The following DLGAP1 variants were observed in gnomAD, a reference collection of about 807,000 sequenced individuals.
The protein encoded by DLGAP1 is DLG associated protein 1.
In DLGAP1, 11 loss-of-function variants were observed where a neutral mutation model predicts 90.8. The observed-to-expected ratio is 0.12, with a 90% CI of 0.08 to 0.20. DLGAP1 has a LOEUF of 0.20. DLGAP1 is among the 10% of genes least tolerant of loss of function. The pLI is 1.00. For synonymous variants in DLGAP1, 558 were observed against 540.7 expected (o/e 1.03, Z -0.44); for missense variants, 1,050 against 1,333.8 (o/e 0.79, Z 3.31).
At chr18:4,046,011 A>G (rs2075049314) in intron 2 of DLGAP1, among the ~76,000 whole-genome samples, 1 of 152,182 alleles carries the variant, frequency 6.6e-6, no homozygotes, top group Non-Finnish European at 1.5e-5. Context: ...TAAGGACCTC[A>G]TAAGAGCCAA....
At chr18:4,215,117 A>G (rs950315670) in intron 1 of DLGAP1, among the ~76,000 whole-genome samples, 40 of 152,298 alleles carry the variant, frequency 2.6e-4, no homozygotes, top group African/African-American at 8.9e-4. Context: ...ATAATATGCA[A>G]GATAATTTTG....
At chr18:4,019,367 T>C (rs1425604485) in intron 2 of DLGAP1, among the ~76,000 whole-genome samples, 1 of 152,208 alleles carries the variant, frequency 6.6e-6, no homozygotes, top group Non-Finnish European at 1.5e-5. Context: ...ACTTAACCTA[T>C]AAACACTTCC....
chr18:3,874,814 A>C (rs2070954467), intron 4 of DLGAP1: 1 of 1,366,268 alleles, frequency 7.3e-7, no homozygotes, highest in Admixed American at 3.1e-5. Flanking sequence ...TGGAAAAAAA[A>C]GGAGTCCCTT....
chr18:3,541,906 GA>G (rs11339725), intron 9 of DLGAP1, among the ~76,000 whole-genome samples: 9,937 of 145,040 alleles, frequency 0.069, 501 homozygotes, highest in African/African-American at 0.14. Flanking sequence ...AATATTGGTG[GA>G]AAAAAAAAAA....
At chr18:3,934,658 C>G (rs1030444466) in intron 3 of DLGAP1, among the ~76,000 whole-genome samples, 1 of 152,134 alleles carries the variant, frequency 6.6e-6, no homozygotes, top group Non-Finnish European at 1.5e-5. Context: ...TGGCAGACAG[C>G]AGTATCAAAG....
At chr18:4,169,927 G>T (rs1441511582) in intron 1 of DLGAP1, among the ~76,000 whole-genome samples, 1 of 152,050 alleles carries the variant, frequency 6.6e-6, no homozygotes, top group African/African-American at 2.4e-5. Context: ...AGAGTCTCAG[G>T]GCCCTTATTG....
intron 1 of DLGAP1, among the ~76,000 whole-genome samples, chr18:4,366,801 C>A (rs2081780508): frequency 2.0e-5 from 3 of 151,582 alleles, no homozygotes; most frequent in African/African-American, 4.8e-5. Context: ...ATTAAGAATG[C>A]AAGAAACATT....
At chr18:4,266,489 T>A (rs1286355319) in intron 1 of DLGAP1, among the ~76,000 whole-genome samples, 1 of 152,242 alleles carries the variant, frequency 6.6e-6, no homozygotes, top group East Asian at 1.9e-4. Flanking sequence ...AGAGCATAGG[T>A]ATCTTCAGAG....
At chr18:4,009,833 A>C (rs1394071721) in intron 2 of DLGAP1, among the ~76,000 whole-genome samples, 3 of 152,198 alleles carry the variant, frequency 2.0e-5, no homozygotes, top group Non-Finnish European at 4.4e-5. Flanking sequence ...TCCTCACCGG[A>C]CCAAGGGAAC....
chr18:3,573,858 G>A (rs1429216382), intron 8 of DLGAP1, among the ~76,000 whole-genome samples: 1 of 152,038 alleles, frequency 6.6e-6, no homozygotes, highest in Admixed American at 6.6e-5. Flanking sequence ...GTGCCAGCAC[G>A]CACGACTAAT....
chr18:4,162,353 G>A (rs894130677), intron 1 of DLGAP1, among the ~76,000 whole-genome samples: 1 of 152,004 alleles, frequency 6.6e-6, no homozygotes, highest in African/African-American at 2.4e-5. Flanking sequence ...GATAAGATAG[G>A]GTCTCTCTGC....
In DLGAP1 at chr18:4,275,546, G is replaced by T. The variant is rs146968268; in HGVS notation, c.-266-124259C>A. Among the ~76,000 whole-genome samples, 6 of 151,146 alleles carry T rather than the reference G, an allele frequency of 4.0e-5. No homozygotes were observed. In the East Asian group the frequency reaches 1.2e-3, roughly 29 times the overall value. ...TACTTGTTTATTATGTATATGTTTTGGTCCTTCTCCCCATGCTAGAATGTA... is the reference window on the plus strand; with the variant it reads ...TACTTGTTTATTATGTATATGTTTTTGTCCTTCTCCCCATGCTAGAATGTA... On this transcript the variant is annotated intron_variant, in intron 1 of 12. Coordinates refer to ENST00000315677, the MANE Select transcript of DLGAP1 (RefSeq NM_004746.4).
At chr18:3,961,928 A>G (rs2073207310) in intron 3 of DLGAP1, among the ~76,000 whole-genome samples, 1 of 152,204 alleles carries the variant, frequency 6.6e-6, no homozygotes, top group Middle Eastern at 3.2e-3. Flanking sequence ...GGAGGACTGG[A>G]TGCAGGATGC....
At chr18:3,844,285 C>A (rs1236004272) in intron 4 of DLGAP1, among the ~76,000 whole-genome samples, 1 of 152,196 alleles carries the variant, frequency 6.6e-6, no homozygotes, top group Admixed American at 6.5e-5. Context: ...TGGCAGCAAG[C>A]CCGAATGTCT....
intron 9 of DLGAP1, among the ~76,000 whole-genome samples, chr18:3,550,999 C>A (rs1038616033): frequency 6.6e-6 from 1 of 151,856 alleles, no homozygotes; most frequent in Non-Finnish European, 1.5e-5. Context: ...CCTAGGCCTC[C>A]CAAAGTGCTG....
At chr18:4,423,684 T>G (rs1204326727) in intron 1 of DLGAP1, among the ~76,000 whole-genome samples, 1 of 152,010 alleles carries the variant, frequency 6.6e-6, no homozygotes, top group African/African-American at 2.4e-5. Flanking sequence ...GCTCCTCTTC[T>G]AACACATACC....
intron 1 of DLGAP1, among the ~76,000 whole-genome samples, chr18:4,336,496 A>T (rs2081069636): frequency 6.6e-6 from 1 of 152,198 alleles, no homozygotes. Context: ...AAGGAGAGTA[A>T]CGGCTACTTC....
chr18:4,354,887 CAAAAAAAAAAA>C (rs60379984), intron 1 of DLGAP1, among the ~76,000 whole-genome samples: 12 of 23,872 alleles, frequency 5.0e-4, no homozygotes, highest in African/African-American at 8.9e-4. Flanking sequence ...TTACTCTCAC[CAAAAAAAAAAA>C]AAAAAAAAAA....
chr18:4,362,022 A>G (rs2081640860), intron 1 of DLGAP1, among the ~76,000 whole-genome samples: 1 of 152,200 alleles, frequency 6.6e-6, no homozygotes, highest in South Asian at 2.1e-4. Context: ...GAAAATCAAA[A>G]TTAGAGTGAG....
Sources: gnomAD v4.1 joint callset for allele counts (sites outside exome capture counted in the v4.1 genomes callset) on GRCh38, gnomAD v4.1.1 for gene constraint, MANE v1.5 for transcripts, NCBI Gene and HGNC (gene_info 2026-07-23, HGNC 2026-07-21) for gene names.